FRMD5: variants seen among roughly 807,000 people sequenced by gnomAD.
The protein encoded by FRMD5 is FERM domain-containing protein 5.
FRMD5 carries 20 observed loss-of-function variants against 69.0 expected under a neutral mutation model. The ratio of observed to expected loss-of-function variants is 0.29; its 90% CI spans 0.20 to 0.42. The LOEUF (loss-of-function observed/expected upper bound fraction) is 0.42. Ranked by LOEUF, FRMD5 falls within the 10% of genes least tolerant of loss-of-function variation. The probability of loss-of-function intolerance (pLI) is 1.00; values close to 1 mark genes in which losing one functional copy is unlikely to be tolerated. For synonymous variants in FRMD5, 271 were observed against 260.1 expected (o/e 1.04, Z -0.40); for missense variants, 595 against 708.6 (o/e 0.84, Z 1.82).
intron 1 of FRMD5, among the ~76,000 whole-genome samples, chr15:43,953,017 G>A (rs1056607872): frequency 6.6e-6 from 1 of 152,186 alleles, no homozygotes; most frequent in Non-Finnish European, 1.5e-5. Context: ...GCTAGACCTC[G>A]AGCAGTTCCA....
intron 1 of FRMD5, among the ~76,000 whole-genome samples, chr15:44,176,471 G>A (rs1376027257): frequency 2.0e-5 from 3 of 151,964 alleles, no homozygotes; most frequent in Non-Finnish European, 2.9e-5. Flanking sequence ...ATTGGGTTAG[G>A]CAATGATTTC....
chr15:43,930,050 C>T (rs2089648827), intron 1 of FRMD5, among the ~76,000 whole-genome samples: 1 of 152,180 alleles, frequency 6.6e-6, no homozygotes. Context: ...ATGCTACACC[C>T]AGCCCAGCTT....
chr15:44,114,738 A>G (rs1172419301), intron 1 of FRMD5, among the ~76,000 whole-genome samples: 1 of 152,246 alleles, frequency 6.6e-6, no homozygotes, highest in East Asian at 1.9e-4. Flanking sequence ...CCCTTATTCC[A>G]TGAATATTTC....
intron 1 of FRMD5, among the ~76,000 whole-genome samples, chr15:44,006,938 C>G (rs1479369149): frequency 3.3e-5 from 5 of 152,308 alleles, no homozygotes; most frequent in African/African-American, 1.2e-4. Flanking sequence ...GAAAGAAGTT[C>G]TACTGTGGGT....
intron 1 of FRMD5, among the ~76,000 whole-genome samples, chr15:43,941,855 T>G (rs1338216467): frequency 1.3e-5 from 2 of 152,176 alleles, no homozygotes; most frequent in Non-Finnish European, 2.9e-5. Flanking sequence ...ATTCCAGACA[T>G]GAAATACATC....
intron 1 of FRMD5, among the ~76,000 whole-genome samples, chr15:44,123,922 T>C (rs777115865): frequency 3.3e-5 from 5 of 152,222 alleles, no homozygotes; most frequent in African/African-American, 4.8e-5. Flanking sequence ...TATCATTTGG[T>C]AAACTCTTCT....
At chr15:44,121,370 G>T (rs2076948665) in intron 1 of FRMD5, among the ~76,000 whole-genome samples, 1 of 152,048 alleles carries the variant, frequency 6.6e-6, no homozygotes, top group Non-Finnish European at 1.5e-5. Flanking sequence ...ATTGGCTATG[G>T]AAGAGAAGAG....
intron 1 of FRMD5, among the ~76,000 whole-genome samples, chr15:43,947,846 A>C (rs1191977426): frequency 6.6e-6 from 1 of 152,266 alleles, no homozygotes; most frequent in Non-Finnish European, 1.5e-5. Flanking sequence ...AAACCCCTCC[A>C]GTACTTAAAC....
chr15:43,937,148 T>A (rs1289117236), intron 1 of FRMD5, among the ~76,000 whole-genome samples: 3 of 152,218 alleles, frequency 2.0e-5, no homozygotes, highest in African/African-American at 7.2e-5. Flanking sequence ...CTAAGATTTT[T>A]CTCTTTACAG....
intron 1 of FRMD5, among the ~76,000 whole-genome samples, chr15:44,119,130 T>A (rs1389278823): frequency 6.6e-6 from 1 of 152,042 alleles, no homozygotes; most frequent in Non-Finnish European, 1.5e-5. Context: ...TAATTTTTTT[T>A]ATTTTTTGTA....
chr15:44,005,310 G>A (rs1017223022), intron 1 of FRMD5, among the ~76,000 whole-genome samples: 8 of 151,738 alleles, frequency 5.3e-5, no homozygotes, highest in South Asian at 4.2e-4. Context: ...GTGAAACCCC[G>A]TCTCTACAAA....
intron 1 of FRMD5, among the ~76,000 whole-genome samples, chr15:44,149,473 T>G (rs570505080): frequency 5.9e-5 from 9 of 152,054 alleles, no homozygotes; most frequent in Non-Finnish European, 1.0e-4. Flanking sequence ...AAAGACAGAT[T>G]AGCAGAATCA....
intron 5 of FRMD5, 110 bp from the exon 6 acceptor site, chr15:43,906,061 A>T (rs1337578640): frequency 8.9e-6 from 12 of 1,345,222 alleles, no homozygotes; most frequent in Non-Finnish European, 9.4e-6. Context: ...CATCAGATTT[A>T]TAAGAAACAG....
intron 1 of FRMD5, among the ~76,000 whole-genome samples, chr15:43,960,529 G>T (rs551047755): frequency 2.0e-5 from 3 of 152,126 alleles, no homozygotes; most frequent in African/African-American, 7.2e-5. Context: ...GATTACAGGC[G>T]TGAGCCACAG....
At chr15:44,153,275 A>G (rs2077475217) in intron 1 of FRMD5, among the ~76,000 whole-genome samples, 1 of 152,260 alleles carries the variant, frequency 6.6e-6, no homozygotes, top group Non-Finnish European at 1.5e-5. Flanking sequence ...CCATGTTCAC[A>G]GCAGCATTAT....
chr15:43,995,962 G>C (rs149159866), intron 1 of FRMD5, among the ~76,000 whole-genome samples: 13 of 152,026 alleles, frequency 8.6e-5, no homozygotes, highest in African/African-American at 1.7e-4. Flanking sequence ...AGAGCTGCTG[G>C]AGTGTAGGGC....
At chr15:43,989,225 G>C (rs1356032830) in intron 1 of FRMD5, 4 of 807,138 alleles carry the variant, frequency 5.0e-6, no homozygotes, top group Non-Finnish European at 8.9e-6. Flanking sequence ...ATTGTGCTGG[G>C]CGCCAGGGTG....
At chr15:43,896,435 T>C (rs1051499523) in intron 7 of FRMD5, among the ~76,000 whole-genome samples, 1 of 152,238 alleles carries the variant, frequency 6.6e-6, no homozygotes, top group South Asian at 2.1e-4. Context: ...TGCTAGGATG[T>C]GGCCAACGGT....
intron 1 of FRMD5, among the ~76,000 whole-genome samples, chr15:44,006,543 G>A (rs1890458586): frequency 6.6e-6 from 1 of 152,186 alleles, no homozygotes; most frequent in Non-Finnish European, 1.5e-5. Flanking sequence ...TCTAGGCAAA[G>A]TAAATTGAAG....
Sources: allele counts gnomAD v4.1 joint callset (sites outside exome capture counted in the v4.1 genomes callset), GRCh38; gene constraint gnomAD v4.1.1; transcripts MANE v1.5; gene names NCBI Gene and HGNC (gene_info 2026-07-23, HGNC 2026-07-21).